The following GDPD5 variants were observed in gnomAD, a reference collection of about 807,000 sequenced individuals.
GDPD5 encodes glycerophosphodiester phosphodiesterase 2.
Under a neutral mutation model 75.1 loss-of-function variants are expected in GDPD5, and 48 were observed. That is an observed-to-expected ratio of 0.64 (90% CI 0.51 to 0.81). GDPD5 has a LOEUF of 0.81. GDPD5 is among the 40% of genes least tolerant of loss of function. The pLI is 0.00. For missense variants in GDPD5, 706 were observed against 822.6 expected (o/e 0.86, Z 1.73); for synonymous variants, 336 against 339.0 (o/e 0.99, Z 0.10).
chr11:75,462,966 T>C (rs2135298302), intron 3 of GDPD5, 77 bp from the exon 4 acceptor site: 2 of 1,157,522 alleles, frequency 1.7e-6, no homozygotes, highest in Non-Finnish European at 2.5e-6. Context: ...GAATGTGTCC[T>C]CCTCCCTCCC....
Position 75,444,393 on chromosome 11 carries a change from C to T in GDPD5, c.797+20G>A. 1 of 1,574,806 alleles carries T rather than the reference C, an allele frequency of 6.3e-7. No homozygotes were observed. The highest frequency in any genetic ancestry group is 8.7e-7 in the Non-Finnish European group (1 of 1,144,654). On this transcript the variant is annotated intron_variant, in intron 10 of 16. Transcript: ENST00000336898. ...CGTGTGGGAGGGGTAGAGGAACTAT[C>T]TCCCCTCCGCTACACCTACCTGATG...
At chr11:75,460,080 C>T (rs1211816706) in intron 4 of GDPD5, among the ~76,000 whole-genome samples, 5 of 151,858 alleles carry the variant, frequency 3.3e-5, no homozygotes, top group African/African-American at 4.8e-5. Flanking sequence ...CTTACCATAC[C>T]GTTGGGAAAC....
intron 14 of GDPD5, 134 bp from the exon 15 acceptor site, chr11:75,440,095 G>A: frequency 3.1e-6 from 2 of 646,902 alleles, no homozygotes; most frequent in Non-Finnish European, 5.4e-6. Context: ...AGAGGGTCTG[G>A]GGGCTGAAGA....
At chr11:75,500,586 T>C (rs974328245) in intron 1 of GDPD5, among the ~76,000 whole-genome samples, 3 of 152,074 alleles carry the variant, frequency 2.0e-5, no homozygotes, top group Non-Finnish European at 4.4e-5. Flanking sequence ...CTTGGCAGTA[T>C]CATCCACCCC....
chr11:75,520,583 G>A (rs976580866), intron 1 of GDPD5, among the ~76,000 whole-genome samples: 2 of 152,170 alleles, frequency 1.3e-5, no homozygotes, highest in African/African-American at 4.8e-5. Context: ...AGTGTGCAGA[G>A]GGCCATGAAT....
chr11:75,449,493 C>T (rs1949075193), intron 8 of GDPD5, 24 bp downstream of exon 8: 1 of 1,542,504 alleles, frequency 6.5e-7, no homozygotes, highest in Non-Finnish European at 8.8e-7. Context: ...ATTGGAGGGG[C>T]AGGCCCTTCA....
At chr11:75,460,779 G>C (rs1367373254) in intron 4 of GDPD5, among the ~76,000 whole-genome samples, 1 of 151,928 alleles carries the variant, frequency 6.6e-6, no homozygotes, top group Non-Finnish European at 1.5e-5. Context: ...GGACTGGGCC[G>C]GGGCATCCTG....
At chr11:75,510,636 A>G (rs1950495140) in intron 1 of GDPD5, among the ~76,000 whole-genome samples, 1 of 151,926 alleles carries the variant, frequency 6.6e-6, no homozygotes, top group South Asian at 2.1e-4. Context: ...CTTCCCAGCC[A>G]CCTGGAGCCC....
At chr11:75,459,148 G>A (rs1165093943) in intron 4 of GDPD5, among the ~76,000 whole-genome samples, 2 of 152,100 alleles carry the variant, frequency 1.3e-5, no homozygotes, top group African/African-American at 4.8e-5. Context: ...AAATAGCCAC[G>A]TGGTTTTCCA....
At chr11:75,482,250 GTCT>G (rs1324469602) in intron 2 of GDPD5, among the ~76,000 whole-genome samples, 1 of 152,178 alleles carries the variant, frequency 6.6e-6, no homozygotes, top group Non-Finnish European at 1.5e-5. Flanking sequence ...GGCTCTCAGA[GTCT>G]CCTCTCCCCC....
At chr11:75,497,966 A>G (rs530346070) in intron 1 of GDPD5, among the ~76,000 whole-genome samples, 2 of 152,326 alleles carry the variant, frequency 1.3e-5, no homozygotes, top group East Asian at 3.9e-4. Context: ...AGTTGAGCAC[A>G]TACAAAATGG....
intron 1 of GDPD5, among the ~76,000 whole-genome samples, chr11:75,498,072 C>G (rs980007546): frequency 6.7e-6 from 1 of 149,940 alleles, no homozygotes; most frequent in African/African-American, 2.5e-5. Context: ...CCAGGCCTGT[C>G]ATGGTCTGTT....
At chr11:75,448,938 A>G in intron 9 of GDPD5, 39 bp downstream of exon 9, 1 of 1,524,566 alleles carries the variant, frequency 6.6e-7, no homozygotes, top group Non-Finnish European at 8.7e-7. Flanking sequence ...ATCGCACCCC[A>G]CCCCAACGGG....
intron 4 of GDPD5, among the ~76,000 whole-genome samples, chr11:75,458,543 G>C (rs1949341556): frequency 6.6e-6 from 1 of 152,126 alleles, no homozygotes; most frequent in South Asian, 2.1e-4. Flanking sequence ...GTTGTGGCAG[G>C]CGTCTGTAGT....
At chr11:75,492,318 G>A (rs1037487698) in intron 1 of GDPD5, 2 of 152,354 alleles carry the variant, frequency 1.3e-5, no homozygotes, top group Admixed American at 6.5e-5. Flanking sequence ...AGGGTGACAC[G>A]CCCGGGTCTG....
chr11:75,476,916 CT>C (rs1280849236), intron 3 of GDPD5, among the ~76,000 whole-genome samples: 1 of 152,034 alleles, frequency 6.6e-6, no homozygotes, highest in Non-Finnish European at 1.5e-5. Context: ...CCCCTGGCCA[CT>C]CCAGCCTCTT....
rs114252441 is a variant in GDPD5 at position 75,491,202 on chromosome 11, G to A, written c.-144-882C>T. ...ACAGAGCTGGACTCAGAGACAGCTC[G>A]GAAATGACAGCCACAGAGAGATCAG... On this transcript the variant is annotated intron_variant, in intron 1 of 16. Coordinates refer to ENST00000336898, the MANE Select transcript of GDPD5 (RefSeq NM_030792.8). 3.9e-3 allele frequency among the ~76,000 whole-genome samples: 601 copies of A among 152,258 alleles called. 4 individuals carry two copies. Among genetic ancestry groups the A allele is most frequent in the African/African-American group, 0.014 (575 of 41,524 alleles).
chr11:75,453,472 A>C (rs539153704), intron 6 of GDPD5, among the ~76,000 whole-genome samples: 1 of 152,150 alleles, frequency 6.6e-6, no homozygotes, highest in African/African-American at 2.4e-5. Flanking sequence ...CAAAAAAATT[A>C]GCTGGGCTGG....
At chr11:75,521,593 G>A (rs1941457379) in intron 1 of GDPD5, among the ~76,000 whole-genome samples, 1 of 152,096 alleles carries the variant, frequency 6.6e-6, no homozygotes, top group African/African-American at 2.4e-5. Context: ...AGTATTGTGT[G>A]GATACATTTT....
Sources: allele counts gnomAD v4.1 joint callset (sites outside exome capture counted in the v4.1 genomes callset), GRCh38; gene constraint gnomAD v4.1.1; transcripts MANE v1.5; gene names NCBI Gene and HGNC (gene_info 2026-07-23, HGNC 2026-07-21).